PPP2R3B: variants seen among roughly 807,000 people sequenced by gnomAD.
PPP2R3B encodes the protein protein phosphatase 2 regulatory subunit B''beta.
A neutral mutation model predicts 72.9 loss-of-function variants in PPP2R3B; 68 were observed. That is an observed-to-expected ratio of 0.93 (90% CI 0.77 to 1.14). The LOEUF is 1.14. Among genes scored for constraint, PPP2R3B ranks in the 50% most tolerant of loss-of-function variants. PPP2R3B has a pLI of 0.00. For synonymous variants in PPP2R3B, 466 were observed against 375.8 expected, an observed-to-expected ratio of 1.24 and a Z score of -2.78; for missense variants, 1,018 against 842.0, an observed-to-expected ratio of 1.21 and a Z score of -2.59.
In PPP2R3B at chrX:361,596, G is replaced by C; in HGVS notation, c.325-6C>G. On this transcript the variant is annotated splice_polypyrimidine_tract_variant and splice_region_variant and intron_variant, in intron 1 of 12. Transcript: ENST00000390665. ...TCTTCTTTCCGTGTCTGAACCTGAA[G>C]AGTCGACAGACAGCGCTCAGTTAGA... The C allele has an allele frequency of 1.2e-6, 2 of 1,613,566 alleles. No homozygotes were observed. Among genetic ancestry groups the C allele is most frequent in the Non-Finnish European group, 1.7e-6 (2 of 1,179,532 alleles).
At chrX:360,372 AAAAATAT>A (rs1444020469) in intron 2 of PPP2R3B, among the ~76,000 whole-genome samples, 1 of 152,178 alleles carries the variant, frequency 6.6e-6, no homozygotes, top group African/African-American at 2.4e-5. Flanking sequence ...CATGTCTACT[AAAAATAT>A]AAAAATTAGC....
chrX:340,635 T>G, intron 10 of PPP2R3B, 130 bp downstream of exon 10: 1 of 130,334 alleles, frequency 7.7e-6, no homozygotes, highest in Non-Finnish European at 1.1e-5. Context: ...CTCCCGTCCG[T>G]CCCCTCTCCC....
In PPP2R3B at chrX:346,884, G is replaced by A. The variant is rs1469572531; in HGVS notation, c.718-109C>T. ...CCTCCCGTGAGCGATGAGGTGTGCG[G>A]TGTAGACGCCGGCCCTCCCGTGAGG... On this transcript the variant is annotated intron_variant, in intron 4 of 12. Transcript: ENST00000390665. 8 of 1,056,000 alleles carry A rather than the reference G, an allele frequency of 7.6e-6. No homozygotes were observed. The South Asian group carries it at 9.8e-5, about 13-fold the overall frequency. The allele number at this position is 1,056,000 out of a possible 1,614,324, so 65.4% of individuals were successfully genotyped here.
chrX:337,191 T>G (rs1454521917), intron 12 of PPP2R3B: 1 of 151,922 alleles, frequency 6.6e-6, no homozygotes, highest in Non-Finnish European at 1.5e-5. Context: ...CGCCATTCTC[T>G]TGCCTCAGCC....
In PPP2R3B at chrX:334,375, G is replaced by T; in HGVS notation, c.1720C>A (p.Pro574Thr). ...EYACGDEDLE[P>T]L ...CGTTCTCGCGGGCGGCGTCACAGCG[G>T]CTCCAGGTCCTCGTCCCCGCATGCG... is the stretch of plus-strand genomic sequence containing the variant. Residue 574 changes from proline to threonine, a missense_variant, in exon 13 of 13, where the codon CCG (proline) becomes ACG (threonine). Coordinates refer to ENST00000390665, the MANE Select transcript of PPP2R3B (RefSeq NM_013239.5). 1 of 1,510,384 alleles carries T rather than the reference G, an allele frequency of 6.6e-7. No homozygotes were observed. The highest frequency in any genetic ancestry group is 2.3e-5 in the Admixed American group (1 of 43,480). 93.6% of individuals were successfully genotyped at this position (1,510,384 alleles called of 1,614,324 possible). A position where few individuals can be genotyped will look rare whatever the true frequency, so the allele number is the denominator to read the frequency against.
At chrX:353,311 T>C (rs963152681) in intron 2 of PPP2R3B, among the ~76,000 whole-genome samples, 2 of 151,516 alleles carry the variant, frequency 1.3e-5, no homozygotes, top group Non-Finnish European at 2.9e-5. Context: ...GAGGCGGAGG[T>C]TGCAGTGAGG....
Position 334,473 on chromosome X carries a change from A to G in PPP2R3B, c.1622T>C (p.Leu541Pro), listed in dbSNP as rs1376132923. Residue 541 changes from leucine to proline, a missense_variant, in exon 13 of 13, where the codon CTG (leucine) becomes CCG (proline). Physicochemically the swap from Leu to Pro is moderately conservative, Grantham distance 98. Transcript: ENST00000390665. Reference protein sequence around the residue: ...LSPVEQKLSALRSPLAQRPFF... With the variant: ...LSPVEQKLSAPRSPLAQRPFF... ...GGGCCTCTGGGCCAGCGGGGAGCGC[A>G]GCGCACTCAGCTTCTGCTCCACAGG... 1.9e-6 allele frequency: 3 copies of G among 1,589,544 alleles called. No homozygotes were observed. The highest frequency in any genetic ancestry group is 1.1e-5 in the South Asian group (1 of 88,946).
At chrX:381,137 C>T (rs1221497570) in intron 1 of PPP2R3B, among the ~76,000 whole-genome samples, 3 of 152,052 alleles carry the variant, frequency 2.0e-5, no homozygotes, top group Non-Finnish European at 4.4e-5. Flanking sequence ...CTATGTTGCC[C>T]AGGCTGGGCT....
intron 7 of PPP2R3B, among the ~76,000 whole-genome samples, chrX:343,886 G>A (rs1383183237): frequency 1.8e-5 from 1 of 55,420 alleles, no homozygotes; most frequent in Non-Finnish European, 3.5e-5. Context: ...AGCAACGGGA[G>A]GCGGGAGGGA....
chrX:349,233 AC>A (rs1226989006), intron 2 of PPP2R3B, among the ~76,000 whole-genome samples: 2 of 151,932 alleles, frequency 1.3e-5, no homozygotes, highest in Non-Finnish European at 2.9e-5. Context: ...GAGCTCCCTC[AC>A]CCCTTCCACC....
At chrX:356,571 G>GCAGAGC (rs1486795542) in intron 2 of PPP2R3B, among the ~76,000 whole-genome samples, 1 of 152,156 alleles carries the variant, frequency 6.6e-6, no homozygotes, top group African/African-American at 2.4e-5. Flanking sequence ...ACCAGATGAG[G>GCAGAGC]CAGAGCTCAC....
At chrX:362,700 G>A (rs2071567437) in intron 1 of PPP2R3B, among the ~76,000 whole-genome samples, 1 of 152,094 alleles carries the variant, frequency 6.6e-6, no homozygotes, top group Admixed American at 6.5e-5. Flanking sequence ...CCACAGCTCA[G>A]GGCCTTTGCA....
intron 1 of PPP2R3B, among the ~76,000 whole-genome samples, chrX:368,818 C>T (rs1261734615): frequency 4.5e-5 from 5 of 112,020 alleles, no homozygotes; most frequent in Non-Finnish European, 7.3e-5. Context: ...CGGGCACTGA[C>T]GGGGGGAAGG....
intron 6 of PPP2R3B, 119 bp downstream of exon 6, chrX:346,055 G>A: frequency 1.9e-6 from 1 of 531,892 alleles, no homozygotes. Flanking sequence ...GGGGGTGGGG[G>A]TGGGGGTGGG....
intron 1 of PPP2R3B, among the ~76,000 whole-genome samples, chrX:374,388 C>A (rs1301333794): frequency 1.3e-5 from 2 of 152,254 alleles, no homozygotes; most frequent in Admixed American, 6.5e-5. Context: ...GGCATCTCCG[C>A]CCCTCCCCAA....
At chrX:360,609 TG>T (rs889692163) in intron 2 of PPP2R3B, among the ~76,000 whole-genome samples, 4 of 152,082 alleles carry the variant, frequency 2.6e-5, no homozygotes, top group African/African-American at 7.2e-5. Context: ...TGGAGAGGGC[TG>T]GGGGGCAGGG....
chrX:353,432 T>C (rs1191953949), intron 2 of PPP2R3B, among the ~76,000 whole-genome samples: 1 of 151,828 alleles, frequency 6.6e-6, no homozygotes, highest in Non-Finnish European at 1.5e-5. Flanking sequence ...CAATTCATGC[T>C]GTCATTAAAA....
intron 2 of PPP2R3B, 110 bp from the exon 3 acceptor site, chrX:347,803 GAC>G (rs1381221204): frequency 1.4e-5 from 11 of 775,000 alleles, no homozygotes; most frequent in South Asian, 1.9e-5. Context: ...GCTGCAGAAA[GAC>G]ACAGCACGCT....
chrX:368,978 G>A (rs912676720), intron 1 of PPP2R3B, among the ~76,000 whole-genome samples: 15 of 152,236 alleles, frequency 9.9e-5, no homozygotes, highest in African/African-American at 3.1e-4. Context: ...GGGCACAGAA[G>A]ATTTACAAGC....
Sources: allele counts gnomAD v4.1 joint callset (sites outside exome capture counted in the v4.1 genomes callset), GRCh38; gene constraint gnomAD v4.1.1; transcripts MANE v1.5; gene names NCBI Gene and HGNC (gene_info 2026-07-23, HGNC 2026-07-21).